PGAP6: variants seen among roughly 807,000 people sequenced by gnomAD.
PGAP6 encodes post-GPI attachment to proteins 6, also known as post-GPI attachment to proteins factor 6.
In PGAP6, 62 loss-of-function variants were observed where a neutral mutation model predicts 68.4. That is an observed-to-expected ratio of 0.91 (90% CI 0.74 to 1.12). The LOEUF is 1.12. PGAP6 is among the 50% of genes most tolerant of loss of function. The pLI, the probability that PGAP6 is intolerant of heterozygous loss-of-function variation, is 0.00. For missense variants in PGAP6, 1,188 were observed against 1,068.5 expected (o/e 1.11, Z -1.56); for synonymous variants, 575 against 474.0 (o/e 1.21, Z -2.77).
At chr16:378,237 C>T (rs1420576655) in intron 1 of PGAP6, among the ~76,000 whole-genome samples, 5 of 148,366 alleles carry the variant, frequency 3.4e-5, no homozygotes, top group African/African-American at 7.5e-5. Context: ...CTGCCATCGC[C>T]ACCCGCACTG....
chr16:371,932 G>C lies in PGAP6; in HGVS notation c.*55C>G. ...GGGCTGGACCAGGCGCCTCCCCCTCGATACAGCTCCTGGCTGAAGAGGTCA... is the reference window on the plus strand; with the variant it reads ...GGGCTGGACCAGGCGCCTCCCCCTCCATACAGCTCCTGGCTGAAGAGGTCA... On this transcript the variant is annotated 3_prime_UTR_variant, in exon 13 of 13. Coordinates refer to ENST00000431232, the MANE Select transcript of PGAP6 (RefSeq NM_021259.3). 12 of 1,568,636 alleles carry C rather than the reference G, an allele frequency of 7.6e-6. 1 individual carries two copies. Among genetic ancestry groups the C allele is most frequent in the Non-Finnish European group, 1.0e-5 (12 of 1,154,330 alleles).
Position 376,653 on chromosome 16 carries a change from G to C in PGAP6, c.795C>G (p.Cys265Trp), listed in dbSNP as rs1264437384. Residue 265 changes from cysteine to tryptophan, a missense_variant, in exon 5 of 13, where the codon TGC (cysteine) becomes TGG (tryptophan). Cys to Trp is a radical substitution (Grantham distance 215, BLOSUM62 -2). Coordinates refer to ENST00000431232, the MANE Select transcript of PGAP6 (RefSeq NM_021259.3). ...VLTCTGAPWP[C>W]RLLLPSPPWD... is the part of the protein sequence containing the mutation. ...AGGGCGGTGAGGGCAGCAGCAGGCG[G>C]CAGGGCCAGGGGGCACCGGTGCAGG... 6.2e-7 allele frequency: 1 copy of C among 1,608,006 alleles called. No individual in the cohort carries two copies. Among genetic ancestry groups the C allele is most frequent in the Admixed American group, 1.7e-5 (1 of 59,520 alleles).
rs2054328000 is a variant in PGAP6, at chr16:371,144, A to C, written c.*843T>G. On this transcript the variant is annotated 3_prime_UTR_variant, in exon 13 of 13. Coordinates refer to ENST00000431232, the MANE Select transcript of PGAP6 (RefSeq NM_021259.3). Reference sequence around the variant, plus strand: ...TGCTCCTGGTCATTGCTTCCCCCACAAGGTTTGCATGAGGAGCAGAGACAG... The same window carrying C: ...TGCTCCTGGTCATTGCTTCCCCCACCAGGTTTGCATGAGGAGCAGAGACAG... 1.3e-5 allele frequency: 2 copies of C among 152,140 alleles called. No homozygotes were observed. The highest frequency in any genetic ancestry group is 2.9e-5 in the Non-Finnish European group (2 of 68,084). 9.4% of individuals were successfully genotyped at this position (152,140 alleles called of 1,614,324 possible).
Position 377,427 on chromosome 16 carries a change from C to T in PGAP6, c.458G>A (p.Trp153Ter). 1.2e-6 allele frequency: 2 copies of T among 1,609,946 alleles called. No homozygotes were observed. Among genetic ancestry groups the T allele is most frequent in the Non-Finnish European group, 1.7e-6 (2 of 1,178,404 alleles). Residue 153 changes from tryptophan to a stop codon, truncating the protein, a stop_gained, in exon 3 of 13, where the codon TGG (tryptophan) becomes TAG (stop). Transcript: ENST00000431232. LOFTEE classifies it high-confidence loss of function. Reference sequence around the variant, plus strand: ...GGGGGGCAGGTGGGCGGCCACGAACCAGTCCCCGGGGGCCGGGTGGGAAAC... The same window carrying T: ...GGGGGGCAGGTGGGCGGCCACGAACTAGTCCCCGGGGGCCGGGTGGGAAAC... ...VNVSHPAPGD[W>*]FVAAHLPPSS...
chr16:371,994 A>C lies in PGAP6; in HGVS notation c.2309T>G (p.Val770Gly). ...GCTGTCCCCAGGCCAGTGTCACGTC[A>C]CTGCGTACAGTTCCTCCCGATCGTT... is the stretch of plus-strand genomic sequence containing the variant. The part of the protein sequence containing the change: ...CKNDREELYA[V>G]T The change falls in exon 13 of 13, where the codon GTG becomes GGG. Residue 770 changes from valine (V) to glycine (G), a missense_variant. Physicochemically the swap from Val to Gly is moderately radical, Grantham distance 109 (BLOSUM62 -3). Coordinates refer to ENST00000431232, the MANE Select transcript of PGAP6 (RefSeq NM_021259.3). 6.2e-7 allele frequency: 1 copy of C among 1,611,656 alleles called. No individual in the cohort carries two copies. Among genetic ancestry groups the C allele is most frequent in the Non-Finnish European group, 8.5e-7 (1 of 1,179,224 alleles).
intron 6 of PGAP6, 61 bp downstream of exon 6, chr16:376,075 C>A (rs2054379397): frequency 6.7e-7 from 1 of 1,497,720 alleles, no homozygotes; most frequent in South Asian, 1.3e-5. Flanking sequence ...GGAGGCGCTG[C>A]AGGGGTTGCC....
At chr16:385,261 G>GCGCT (rs1334261927), upstream of PGAP6, among the ~76,000 whole-genome samples, 4 of 152,004 alleles carry the variant, frequency 2.6e-5, no homozygotes, top group Admixed American at 1.3e-4. Flanking sequence ...AAAAACCTGG[G>GCGCT]CGCTCCATGA....
rs2054441799 is a variant in PGAP6, at chr16:381,807, G to A, written c.15C>T (p.Gly5=). 2.7e-6 allele frequency: 3 copies of A among 1,125,844 alleles called. No homozygotes were observed. The highest frequency in any genetic ancestry group is 4.2e-5 in the South Asian group (1 of 23,660). The allele number at this position is 1,125,844 out of a possible 1,614,324, so 69.7% of individuals were successfully genotyped here. Residue 5 remains glycine (G), a synonymous_variant, in exon 1 of 13, where the codon GGC becomes GGT. Transcript: ENST00000431232. ...CCACCGCCTCGCCCCCGGTCCCGGT[G>A]CCAGCCCGGCCCATGGCTCCGCGCT... is the stretch of plus-strand genomic sequence containing the variant. MGRA[G]TGTGGEAVAA... is the part of the protein sequence containing the mutation.
Position 375,239 on chromosome 16 carries a change from G to T in PGAP6, c.1333C>A (p.Pro445Thr), listed in dbSNP as rs1243548679. Residue 445 changes from proline to threonine, a missense_variant, in exon 8 of 13, where the codon CCT (proline) becomes ACT (threonine). Coordinates refer to ENST00000431232, the MANE Select transcript of PGAP6 (RefSeq NM_021259.3). ...CGAGACCAGGCGCTCAGAGACAAAGGGTAGCCCTGGAAGAAGGCTGCAGGG... is the reference window on the plus strand; with the variant it reads ...CGAGACCAGGCGCTCAGAGACAAAGTGTAGCCCTGGAAGAAGGCTGCAGGG... ...NCTTAFFQGY[P>T]LSLSAWSRRA... 6.2e-7 allele frequency: 1 copy of T among 1,613,178 alleles called. No homozygotes were observed. The highest frequency in any genetic ancestry group is 2.2e-5 in the East Asian group (1 of 44,880).
chr16:377,987 G>T, intron 1 of PGAP6, 139 bp from the exon 2 acceptor site: 1 of 733,580 alleles, frequency 1.4e-6, no homozygotes, highest in South Asian at 1.9e-5. Flanking sequence ...CTCTGACCTT[G>T]GCAAAGGTCA....
chr16:383,878 C>T (rs542060741), upstream of PGAP6, among the ~76,000 whole-genome samples: 1 of 152,086 alleles, frequency 6.6e-6, no homozygotes, highest in African/African-American at 2.4e-5. Flanking sequence ...GCTGACTCCA[C>T]GAGCCCAGAC....
intron 6 of PGAP6, 112 bp from the exon 7 acceptor site, chr16:375,547 T>C (rs74513481): frequency 2.9e-5 from 26 of 884,588 alleles, no homozygotes; most frequent in Non-Finnish European, 4.0e-5. Flanking sequence ...TTTTTTTTTT[T>C]TCTGAGATGG....
intron 12 of PGAP6, 90 bp downstream of exon 12, chr16:372,521 G>T: frequency 1.8e-6 from 2 of 1,120,042 alleles, no homozygotes; most frequent in Non-Finnish European, 2.7e-6. Flanking sequence ...TTCACTGGTT[G>T]GAGCAGGACC....
chr16:376,956 G>T, intron 4 of PGAP6, 81 bp downstream of exon 4: 1 of 1,580,332 alleles, frequency 6.3e-7, no homozygotes, highest in Non-Finnish European at 8.6e-7. Context: ...AGGACTCAGG[G>T]CCAGGCTCTC....
Position 377,079 on chromosome 16 carries a change from A to C in PGAP6, c.593T>G (p.Val198Gly). ...GGAGAGGAGGGTCTGAGGAAGGGGCACGTCCGGCTCCATGATGGAAATCTC... is the reference window on the plus strand; with the variant it reads ...GGAGAGGAGGGTCTGAGGAAGGGGCCCGTCCGGCTCCATGATGGAAATCTC... ...VVEISIMEPD[V>G]PLPQTLLSHP... Residue 198 changes from valine to glycine, a missense_variant, in exon 4 of 13, where the codon GTG (valine) becomes GGG (glycine). Transcript: ENST00000431232. 3 of 1,613,456 alleles carry C rather than the reference A, an allele frequency of 1.9e-6. No individual in the cohort carries two copies. Among genetic ancestry groups the C allele is most frequent in the Middle Eastern group, 1.6e-4 (1 of 6,062 alleles).
upstream of PGAP6, chr16:382,007 G>A (rs1030136629): frequency 1.6e-5 from 15 of 922,176 alleles, no homozygotes; most frequent in Non-Finnish European, 2.0e-5. Context: ...CCCGCAGGCC[G>A]AGCCGGGAAG....
chr16:384,053 C>T (rs954719901), upstream of PGAP6, among the ~76,000 whole-genome samples: 1 of 152,222 alleles, frequency 6.6e-6, no homozygotes, highest in Non-Finnish European at 1.5e-5. Context: ...TTTAAAGGCA[C>T]GGAGGTCAGA....
chr16:377,248 C>A, intron 3 of PGAP6, 84 bp from the exon 4 acceptor site: 2 of 1,600,214 alleles, frequency 1.2e-6, no homozygotes, highest in Admixed American at 1.7e-5. Context: ...CCCCGGCATG[C>A]AGGGAGCAGG....
chr16:376,602 A>C lies in PGAP6; in HGVS notation c.846T>G (p.Ala282=), dbSNP rs759572698. ...TCCCGAGGGGCCCCACCAGGCTCTC[A>C]GCTGTCACTTGCAGCCACCGGTCCC... The part of the protein sequence containing the change: ...PPWDRWLQVT[A]ESLVGPLGTV... The change falls in exon 5 of 13, where the codon GCT becomes GCG. Residue 282 remains alanine (A), a synonymous_variant. Coordinates refer to ENST00000431232, the MANE Select transcript of PGAP6 (RefSeq NM_021259.3). 1.3e-6 allele frequency: 2 copies of C among 1,588,974 alleles called. No homozygotes were observed. The highest frequency in any genetic ancestry group is 2.3e-5 in the South Asian group (2 of 87,384).
Sources: gnomAD v4.1 joint callset for allele counts (sites outside exome capture counted in the v4.1 genomes callset) on GRCh38, gnomAD v4.1.1 for gene constraint, MANE v1.5 for transcripts, NCBI Gene and HGNC (gene_info 2026-07-23, HGNC 2026-07-21) for gene names.